Variants in RPS6KA6 observed in about 807,000 individuals in gnomAD.
RPS6KA6 encodes the protein ribosomal protein S6 kinase A6, also known as ribosomal protein S6 kinase alpha-6.
Under a neutral mutation model 65.4 loss-of-function variants are expected in RPS6KA6, and 27 were observed. The observed-to-expected ratio is 0.41, with a 90% CI of 0.30 to 0.57. The LOEUF is 0.57. Among genes scored for constraint, RPS6KA6 ranks in the 20% least tolerant of loss-of-function variants. The probability of loss-of-function intolerance (pLI) is 0.24; values close to 1 mark genes in which losing one functional copy is unlikely to be tolerated. For missense variants in RPS6KA6, 486 were observed against 555.6 expected, an observed-to-expected ratio of 0.87 and a Z score of 1.26; for synonymous variants, 190 against 184.2, an observed-to-expected ratio of 1.03 and a Z score of -0.26.
At chrX:84,095,886 T>C (rs1174755760) in intron 20 of RPS6KA6, among the ~76,000 whole-genome samples, 5 of 111,929 alleles carry the variant, frequency 4.5e-5, no homozygotes, top group Non-Finnish European at 9.4e-5. Context: ...ATGGTAAATC[T>C]AGAAATAAAC....
chrX:84,089,396 C>A (rs761998661), intron 20 of RPS6KA6, among the ~76,000 whole-genome samples: 1 of 111,768 alleles, frequency 8.9e-6, no homozygotes, highest in South Asian at 3.8e-4. Flanking sequence ...GAAGTGGGGC[C>A]CACAGAATGA....
chrX:84,174,563 A>G (rs768190469), intron 1 of RPS6KA6, among the ~76,000 whole-genome samples: 11 of 112,154 alleles, frequency 9.8e-5, no homozygotes, highest in Admixed American at 6.6e-4. Context: ...AAACATATCC[A>G]TGTTCAAATT....
chrX:84,181,625 G>A (rs1439074014), intron 1 of RPS6KA6, among the ~76,000 whole-genome samples: 2 of 110,430 alleles, frequency 1.8e-5, no homozygotes, highest in Non-Finnish European at 3.8e-5. Flanking sequence ...TTTTAACCCT[G>A]GCTGTGCATC....
At chrX:84,176,004 T>C (rs1234536471) in intron 1 of RPS6KA6, among the ~76,000 whole-genome samples, 1 of 112,200 alleles carries the variant, frequency 8.9e-6, no homozygotes, top group Non-Finnish European at 1.9e-5. Context: ...GTAGTTGTAC[T>C]ACTATTACTA....
intron 18 of RPS6KA6, 88 bp downstream of exon 18, chrX:84,101,949 T>G (rs1352019597): frequency 1.3e-6 from 1 of 787,002 alleles, no homozygotes; most frequent in Non-Finnish European, 1.7e-6. Flanking sequence ...ACAGCTTTTA[T>G]CTGCCTACCA....
At chrX:84,140,448 A>C (rs2035074384) in intron 6 of RPS6KA6, among the ~76,000 whole-genome samples, 1 of 110,934 alleles carries the variant, frequency 9.0e-6, no homozygotes, top group Non-Finnish European at 1.9e-5. Context: ...AAAAATTGTC[A>C]ATCATGGGCC....
intron 17 of RPS6KA6, among the ~76,000 whole-genome samples, chrX:84,103,142 T>A (rs2034289937): frequency 9.0e-6 from 1 of 110,781 alleles, no homozygotes; most frequent in South Asian, 3.7e-4. Flanking sequence ...TAGGATACAA[T>A]CCCAAATTAT....
intron 20 of RPS6KA6, among the ~76,000 whole-genome samples, chrX:84,084,895 TAGTTCTCCTTGAAG>T (rs1260501494): frequency 9.0e-6 from 1 of 111,665 alleles, no homozygotes; most frequent in Non-Finnish European, 1.9e-5. Flanking sequence ...CAGTGGTTTG[TAGTTCTCCTTGAAG>T]AGGTCCTTCA....
At position 84,106,970 on chromosome X, in the gene RPS6KA6, A is replaced by G. The variant is rs1369971572; in HGVS notation, c.1182T>C (p.Ser394=). ...GAGTGATTTTATATTCTTCTGCAAT[A>G]GAAGTTGCAACAAAGCTGAATCCTT... ...LFKGFSFVAT[S]IAEEYKITPI... The change falls in exon 14 of 22, where the codon TCT becomes TCC. Residue 394 remains serine (S), a synonymous_variant. Transcript: ENST00000262752. 1 of 1,195,875 alleles carries G rather than the reference A, an allele frequency of 8.4e-7. No homozygotes were observed. Among genetic ancestry groups the G allele is most frequent in the Non-Finnish European group, 1.1e-6 (1 of 882,735 alleles).
intron 12 of RPS6KA6, among the ~76,000 whole-genome samples, chrX:84,112,167 C>T (rs1055297952): frequency 9.0e-6 from 1 of 111,065 alleles, no homozygotes; most frequent in Non-Finnish European, 1.9e-5. Context: ...AACACCAGAG[C>T]GCTCAGATTC....
intron 15 of RPS6KA6, 111 bp from the exon 16 acceptor site, chrX:84,105,987 A>G (rs1269745997): frequency 9.7e-6 from 4 of 411,910 alleles, no homozygotes; most frequent in Non-Finnish European, 4.2e-6. Flanking sequence ...ACTCAAGAAC[A>G]ATACTTACCT....
At chrX:84,121,438 G>A (rs1178745345) in intron 8 of RPS6KA6, among the ~76,000 whole-genome samples, 1 of 112,045 alleles carries the variant, frequency 8.9e-6, no homozygotes, top group African/African-American at 3.2e-5. Context: ...TAATCATTTA[G>A]AACATACAGA....
In RPS6KA6 at chrX:84,090,731, C is replaced by T. The variant is rs772413411; in HGVS notation, c.1971+5463G>A. 2.7e-5 allele frequency among the ~76,000 whole-genome samples: 3 copies of T among 111,823 alleles called. No individual in the cohort carries two copies. In the South Asian group the frequency reaches 1.1e-3, roughly 43 times the overall value. On this transcript the variant is annotated intron_variant, in intron 20 of 21. Coordinates refer to ENST00000262752, the MANE Select transcript of RPS6KA6 (RefSeq NM_014496.5). ...ATTGCCCCCATGATTCAGTTACCTC[C>T]ATCTGTTGTCTCCCTTGACACATGG... is the stretch of plus-strand genomic sequence containing the variant.
chrX:84,126,163 T>G (rs1038175120), intron 8 of RPS6KA6, among the ~76,000 whole-genome samples: 2 of 111,164 alleles, frequency 1.8e-5, no homozygotes, highest in Non-Finnish European at 3.8e-5. Context: ...GAAAAGATAT[T>G]CCATGCCAAT....
intron 1 of RPS6KA6, among the ~76,000 whole-genome samples, chrX:84,166,002 G>A (rs751643015): frequency 7.2e-5 from 8 of 111,642 alleles, no homozygotes; most frequent in Non-Finnish European, 1.1e-4. Context: ...CACAAGTCCT[G>A]GTCACAACAA....
At position 84,117,063 on chromosome X, in the gene RPS6KA6, A is replaced by G. The variant is rs201661082; in HGVS notation, c.946T>C (p.Leu316=). Residue 316 remains leucine (L), a synonymous_variant, in exon 11 of 22, where the codon TTG becomes CTG. Transcript: ENST00000262752. ...AAGCTAAGAAAATAAGCAATACCCAATCTATTTGCTGGATTCCTTTTGAAT... is the reference window on the plus strand; with the variant it reads ...AAGCTAAGAAAATAAGCAATACCCAGTCTATTTGCTGGATTCCTTTTGAAT... ...MLFKRNPANR[L]GSEGVEEIKR... The G allele has an allele frequency of 3.3e-5, 38 of 1,144,101 alleles. No homozygotes were observed. The Middle Eastern group carries it at 7.4e-4, about 22-fold the overall frequency. The allele number at this position is 1,144,101 out of a possible 1,213,427, so 94.3% of individuals were successfully genotyped here.
At chrX:84,161,810 T>C (rs1410522920) in intron 2 of RPS6KA6, among the ~76,000 whole-genome samples, 1 of 111,978 alleles carries the variant, frequency 8.9e-6, no homozygotes, top group African/African-American at 3.2e-5. Context: ...ATAATAAAAA[T>C]ATAAATCACT....
At chrX:84,152,254 C>T (rs1160982301) in intron 3 of RPS6KA6, among the ~76,000 whole-genome samples, 1 of 110,445 alleles carries the variant, frequency 9.1e-6, no homozygotes, top group Non-Finnish European at 1.9e-5. Context: ...GAGAAAATAT[C>T]GTATCTCACT....
chrX:84,147,134 A>G (rs762698429), intron 4 of RPS6KA6, 76 bp from the exon 5 acceptor site: 144 of 573,898 alleles, frequency 2.5e-4, no homozygotes, highest in Non-Finnish European at 3.7e-4. Context: ...AATTTACCAA[A>G]CAACAAATAT....
Sources: allele counts gnomAD v4.1 joint callset (sites outside exome capture counted in the v4.1 genomes callset), GRCh38; gene constraint gnomAD v4.1.1; transcripts MANE v1.5; gene names NCBI Gene and HGNC (gene_info 2026-07-23, HGNC 2026-07-21).